Variants in ADAMTS17 observed in about 807,000 individuals in gnomAD.
The protein encoded by ADAMTS17 is A disintegrin and metalloproteinase with thrombospondin motifs 17.
In ADAMTS17, 113 loss-of-function variants were observed where a neutral mutation model predicts 141.5. The observed-to-expected ratio is 0.80, with a 90% CI of 0.69 to 0.93. The LOEUF (loss-of-function observed/expected upper bound fraction) is 0.93, where lower values mean the gene tolerates loss of function less well. Ranked by LOEUF, ADAMTS17 falls within the 40% of genes least tolerant of loss-of-function variation. ADAMTS17 has a pLI of 0.00. For synonymous variants in ADAMTS17, 768 were observed against 630.6 expected, an observed-to-expected ratio of 1.22 and a Z score of -3.27; for missense variants, 1,659 against 1,517.9, an observed-to-expected ratio of 1.09 and a Z score of -1.54.
At chr15:100,283,649 T>G (rs1226696953) in intron 3 of ADAMTS17, among the ~76,000 whole-genome samples, 10 of 152,226 alleles carry the variant, frequency 6.6e-5, no homozygotes, top group Non-Finnish European at 1.2e-4. Flanking sequence ...TGTCGTATAT[T>G]TTTAAGTTCT....
At chr15:100,198,920 C>A (rs2041219170) in intron 8 of ADAMTS17, among the ~76,000 whole-genome samples, 1 of 152,182 alleles carries the variant, frequency 6.6e-6, no homozygotes, top group South Asian at 2.1e-4. Flanking sequence ...GAAAGTTGGA[C>A]TTTAGAATTG....
intron 12 of ADAMTS17, among the ~76,000 whole-genome samples, chr15:100,125,000 C>A (rs2037657335): frequency 6.6e-6 from 1 of 152,180 alleles, no homozygotes; most frequent in African/African-American, 2.4e-5. Flanking sequence ...GAGAAAGATG[C>A]CACTTTTTAT....
chr15:100,209,113 CAAAAAAAAAA>C (rs60742726), intron 7 of ADAMTS17, among the ~76,000 whole-genome samples: 2 of 96,962 alleles, frequency 2.1e-5, no homozygotes, highest in African/African-American at 9.2e-5. Context: ...GCCAAGTTAG[CAAAAAAAAAA>C]AAAAAAAAAA....
intron 7 of ADAMTS17, among the ~76,000 whole-genome samples, chr15:100,206,333 T>G (rs2041558480): frequency 6.6e-6 from 1 of 152,136 alleles, no homozygotes. Context: ...TGCACTTGAG[T>G]GTACGTCTGT....
At chr15:100,306,385 G>C (rs373672406) in intron 3 of ADAMTS17, 9 of 428,478 alleles carry the variant, frequency 2.1e-5, no homozygotes, top group Non-Finnish European at 3.3e-5. Context: ...GGGAGCCCTG[G>C]TGGCCATAGA....
At chr15:100,200,989 A>T (rs1443689883) in intron 7 of ADAMTS17, among the ~76,000 whole-genome samples, 1 of 152,146 alleles carries the variant, frequency 6.6e-6, no homozygotes, top group Non-Finnish European at 1.5e-5. Context: ...GTGTCTCAGG[A>T]GGGAAGGAGT....
chr15:100,126,348 A>C (rs1246235389), intron 12 of ADAMTS17: 2 of 152,250 alleles, frequency 1.3e-5, no homozygotes, highest in Non-Finnish European at 2.9e-5. Flanking sequence ...CAGAAAACAG[A>C]GCTACGGTGC....
intron 11 of ADAMTS17, among the ~76,000 whole-genome samples, 196 bp downstream of exon 11, chr15:100,133,018 G>C (rs866800049): frequency 1.2e-4 from 19 of 152,216 alleles, no homozygotes; most frequent in Middle Eastern, 6.3e-3. Flanking sequence ...AATGATACTT[G>C]TATCTTATAA....
chr15:100,329,043 T>G (rs1257062248), intron 3 of ADAMTS17, among the ~76,000 whole-genome samples: 2 of 152,148 alleles, frequency 1.3e-5, no homozygotes, highest in African/African-American at 4.8e-5. Flanking sequence ...TGGGAGTCTT[T>G]ACTTTGCCAG....
intron 3 of ADAMTS17, among the ~76,000 whole-genome samples, chr15:100,324,382 G>A (rs1029972498): frequency 1.3e-5 from 2 of 152,100 alleles, no homozygotes; most frequent in Non-Finnish European, 2.9e-5. Flanking sequence ...TCTGAATACT[G>A]GATACGCAGG....
chr15:100,207,863 T>C (rs2041638187), intron 7 of ADAMTS17, among the ~76,000 whole-genome samples: 1 of 152,130 alleles, frequency 6.6e-6, no homozygotes, highest in Non-Finnish European at 1.5e-5. Flanking sequence ...ATCACTCACG[T>C]CATTGGCCAT....
chr15:99,976,157 C>T lies in ADAMTS17; in HGVS notation c.3015G>A (p.Gly1005=), dbSNP rs900832969. 3.2e-6 allele frequency: 5 copies of T among 1,550,638 alleles called. No individual in the cohort carries two copies. The Admixed American group carries it at 5.9e-5, about 18-fold the overall frequency. ...RVVQCMHKVT[G]RHGSECPALS... ...GGGCGGGGCACTCGCTGCCGTGGCG[C>T]CCTGTGACCTTGTGCATGCACTGCA... Residue 1005 remains glycine (G), a synonymous_variant, in exon 21 of 22, where the codon GGG becomes GGA. Coordinates refer to ENST00000268070, the MANE Select transcript of ADAMTS17 (RefSeq NM_139057.4).
chr15:100,066,819 C>T (rs1056134613), intron 15 of ADAMTS17, among the ~76,000 whole-genome samples: 1 of 119,010 alleles, frequency 8.4e-6, no homozygotes, highest in African/African-American at 2.9e-5. Flanking sequence ...GAGAGGGCAG[C>T]CATCATTCTA....
chr15:100,192,081 G>A (rs2040939300), intron 8 of ADAMTS17, among the ~76,000 whole-genome samples: 1 of 152,208 alleles, frequency 6.6e-6, no homozygotes, highest in Non-Finnish European at 1.5e-5. Flanking sequence ...AATAAGGCCT[G>A]CACGTTTTGA....
At chr15:100,062,444 C>T (rs907334513) in intron 15 of ADAMTS17, among the ~76,000 whole-genome samples, 2 of 152,180 alleles carry the variant, frequency 1.3e-5, no homozygotes, top group Non-Finnish European at 1.5e-5. Context: ...AGCATCTTAG[C>T]GTCAAAGCAT....
At chr15:100,103,657 C>G (rs1412048731) in intron 14 of ADAMTS17, among the ~76,000 whole-genome samples, 8 of 152,030 alleles carry the variant, frequency 5.3e-5, no homozygotes, top group Non-Finnish European at 8.8e-5. Context: ...TGGCTCACTG[C>G]AACCTCCACT....
At chr15:100,182,257 G>C (rs1178079001) in intron 8 of ADAMTS17, among the ~76,000 whole-genome samples, 1 of 152,232 alleles carries the variant, frequency 6.6e-6, no homozygotes, top group Non-Finnish European at 1.5e-5. Flanking sequence ...GCAAGAGAGA[G>C]AAGAGCGAAG....
intron 7 of ADAMTS17, among the ~76,000 whole-genome samples, chr15:100,239,064 T>C (rs983726122): frequency 2.0e-5 from 3 of 152,224 alleles, no homozygotes; most frequent in African/African-American, 7.2e-5. Context: ...CACTCCAGCC[T>C]GGGCAACAGA....
At position 99,974,127 on chromosome 15, in the gene ADAMTS17, G is replaced by GT; in HGVS notation, c.*274_*275insA. On this transcript the variant is annotated 3_prime_UTR_variant, in exon 22 of 22. Coordinates refer to ENST00000268070, the MANE Select transcript of ADAMTS17 (RefSeq NM_139057.4). ...TCTCTCTCTTGACGGTTGTCTGCCA[G>GT]AGGTGCTTCCCTTCGAGGTACCTGA... is the stretch of plus-strand genomic sequence containing the variant. 1 of 522,512 alleles carries GT rather than the reference G, an allele frequency of 1.9e-6. No homozygotes were observed. The allele number at this position is 522,512 out of a possible 1,614,324, so 32.4% of individuals were successfully genotyped here. A position where few individuals can be genotyped will look rare whatever the true frequency, so the allele number is the denominator to read the frequency against.
Sources: allele counts gnomAD v4.1 joint callset (sites outside exome capture counted in the v4.1 genomes callset), GRCh38; gene constraint gnomAD v4.1.1; transcripts MANE v1.5; gene names NCBI Gene and HGNC (gene_info 2026-07-23, HGNC 2026-07-21).